PCDH15: variants seen among roughly 807,000 people sequenced by gnomAD.
The protein encoded by PCDH15 is protocadherin related 15.
Under a neutral mutation model 178.5 loss-of-function variants are expected in PCDH15, and 129 were observed. The observed-to-expected ratio is 0.72, with a 90% CI of 0.63 to 0.84. PCDH15 has a LOEUF of 0.84. Among genes scored for constraint, PCDH15 ranks in the 40% least tolerant of loss-of-function variants. The pLI is 0.00. For synonymous variants in PCDH15, 800 were observed against 732.0 expected, an observed-to-expected ratio of 1.09 and a Z score of -1.50; for missense variants, 2,230 against 2,099.9, an observed-to-expected ratio of 1.06 and a Z score of -1.21.
intron 1 of PCDH15, among the ~76,000 whole-genome samples, chr10:55,224,383 A>G (rs769159005): frequency 6.6e-6 from 1 of 152,236 alleles, no homozygotes. Flanking sequence ...TGGTAGAGGC[A>G]GACAGGAAGT....
chr10:55,515,506 T>G (rs1320851475), intron 2 of PCDH15, among the ~76,000 whole-genome samples: 1 of 152,072 alleles, frequency 6.6e-6, no homozygotes, highest in Non-Finnish European at 1.5e-5. Flanking sequence ...GAAAATATTA[T>G]TTTTTTCATT....
intron 10 of PCDH15, among the ~76,000 whole-genome samples, chr10:54,198,564 G>C (rs1463659232): frequency 7.4e-5 from 5 of 67,570 alleles, no homozygotes; most frequent in African/African-American, 6.8e-4. Flanking sequence ...TGCAGTGGCG[G>C]GATCTCGGCT....
intron 18 of PCDH15, among the ~76,000 whole-genome samples, chr10:54,025,592 G>A (rs990956358): frequency 6.6e-6 from 1 of 151,244 alleles, no homozygotes; most frequent in African/African-American, 2.4e-5. Flanking sequence ...TCCGCCTTCT[G>A]GGTTCAAGCA....
At chr10:54,015,225 A>T (rs868674563) in intron 20 of PCDH15, among the ~76,000 whole-genome samples, 11 of 152,208 alleles carry the variant, frequency 7.2e-5, no homozygotes, top group African/African-American at 2.7e-4. Context: ...CTACAATGAG[A>T]ATTTAAAATA....
chr10:54,357,439 A>C (rs1422543994), intron 5 of PCDH15, among the ~76,000 whole-genome samples: 1 of 152,150 alleles, frequency 6.6e-6, no homozygotes, highest in African/African-American at 2.4e-5. Flanking sequence ...TAAAATACCT[A>C]GGAATCCAAC....
intron 2 of PCDH15, among the ~76,000 whole-genome samples, chr10:55,491,623 A>C (rs940059980): frequency 1.3e-5 from 2 of 151,178 alleles, no homozygotes; most frequent in African/African-American, 4.8e-5. Flanking sequence ...GCTTAGCCTG[A>C]GAGGGCTGCT....
At chr10:55,258,058 C>T (rs997661734) in intron 1 of PCDH15, among the ~76,000 whole-genome samples, 15 of 152,154 alleles carry the variant, frequency 9.9e-5, no homozygotes, top group Admixed American at 3.9e-4. Context: ...TTCAATTCAT[C>T]ATGCTGCCCA....
chr10:55,180,918 T>TCC (rs1839631628), intron 1 of PCDH15, among the ~76,000 whole-genome samples: 1 of 152,010 alleles, frequency 6.6e-6, no homozygotes, highest in Non-Finnish European at 1.5e-5. Flanking sequence ...GCTGTCATGT[T>TCC]CCTAGAGGGG....
At position 54,586,792 on chromosome 10, in the gene PCDH15, A is replaced by G. The variant is rs568529778; in HGVS notation, c.92-58915T>C. Among the ~76,000 whole-genome samples the G allele has an allele frequency of 1.3e-3, 193 of 152,206 alleles. 2 individuals are homozygous for G. Among genetic ancestry groups the G allele is most frequent in the African/African-American group, 4.6e-3 (191 of 41,542 alleles). On this transcript the variant is annotated intron_variant, in intron 2 of 37. Coordinates refer to ENST00000644397, the MANE Select transcript of PCDH15 (RefSeq NM_001384140.1). ...TACAGGCATGAGCCACCACACCTGG[A>G]CGGATGTGCCATAGTTTGTAAAAGA...
chr10:53,830,907 A>G (rs1267110013), intron 30 of PCDH15, among the ~76,000 whole-genome samples: 6 of 152,214 alleles, frequency 3.9e-5, no homozygotes, highest in African/African-American at 7.2e-5. Context: ...AAAACCTATC[A>G]TGACAATGTC....
At position 54,414,378 on chromosome 10, in the gene PCDH15, G is replaced by A. The variant is rs868627440; in HGVS notation, c.158-35436C>T. Among the ~76,000 whole-genome samples, 23 of 151,986 alleles carry A rather than the reference G, an allele frequency of 1.5e-4. No homozygotes were observed. In the East Asian group the frequency reaches 2.1e-3, roughly 14 times the overall value. Reference sequence around the variant, plus strand: ...TTTGGACCTGGCATGTTTACATGACGGAATAAATGTGAATAATCACCAGGT... The same window carrying A: ...TTTGGACCTGGCATGTTTACATGACAGAATAAATGTGAATAATCACCAGGT... On this transcript the variant is annotated intron_variant, in intron 3 of 37. Transcript: ENST00000644397.
chr10:55,195,181 G>A (rs947769892), intron 1 of PCDH15, among the ~76,000 whole-genome samples: 10 of 151,632 alleles, frequency 6.6e-5, no homozygotes, highest in Admixed American at 2.0e-4. Context: ...CAGCCACCAC[G>A]CCTGGCTAAC....
At chr10:55,348,319 A>C (rs1278420555) in intron 2 of PCDH15, among the ~76,000 whole-genome samples, 1 of 152,130 alleles carries the variant, frequency 6.6e-6, no homozygotes, top group Non-Finnish European at 1.5e-5. Context: ...TTGAAGAAAA[A>C]TATATTGGAG....
At chr10:54,885,102 C>T (rs544220758) in intron 3 of PCDH15, among the ~76,000 whole-genome samples, 1 of 151,958 alleles carries the variant, frequency 6.6e-6, no homozygotes, top group Non-Finnish European at 1.5e-5. Flanking sequence ...TTCCCAGCAA[C>T]CGATACAATA....
intron 2 of PCDH15, among the ~76,000 whole-genome samples, chr10:55,333,632 A>T (rs1248940506): frequency 1.3e-5 from 2 of 152,034 alleles, no homozygotes; most frequent in East Asian, 1.9e-4. Context: ...TTTACAGAGG[A>T]TGTTATTTGA....
intron 25 of PCDH15, among the ~76,000 whole-genome samples, chr10:53,912,776 T>C (rs182744745): frequency 3.9e-5 from 6 of 152,176 alleles, no homozygotes; most frequent in African/African-American, 1.4e-4. Context: ...AAACCACTGC[T>C]CAGCAAAATA....
In PCDH15 at chr10:54,108,420, G is replaced by A. The variant is rs77684624; in HGVS notation, c.1918-18357C>T. ...AACCAGAATGAATTCAGCTGATGCC[G>A]GCTCACAGAAGGAGTATATAAACCA... On this transcript the variant is annotated intron_variant, in intron 15 of 37. Transcript: ENST00000644397. Among the ~76,000 whole-genome samples, 153 of 152,244 alleles carry A rather than the reference G, an allele frequency of 1.0e-3. 1 individual carries two copies. In the East Asian group the frequency reaches 0.022, roughly 22 times the overall value.
At chr10:54,354,346 T>G (rs896327849) in intron 5 of PCDH15, among the ~76,000 whole-genome samples, 5 of 152,196 alleles carry the variant, frequency 3.3e-5, no homozygotes, top group African/African-American at 4.8e-5. Context: ...AGCTAAAAAA[T>G]TGATTCCCAC....
chr10:55,019,427 C>G (rs1278885909), intron 2 of PCDH15, among the ~76,000 whole-genome samples: 2 of 151,956 alleles, frequency 1.3e-5, no homozygotes, highest in Non-Finnish European at 2.9e-5. Context: ...ACATGACTTT[C>G]AAATGAGACA....
Sources: allele counts gnomAD v4.1 joint callset (sites outside exome capture counted in the v4.1 genomes callset), GRCh38; gene constraint gnomAD v4.1.1; transcripts MANE v1.5; gene names NCBI Gene and HGNC (gene_info 2026-07-23, HGNC 2026-07-21).